GALNT14: variants seen among roughly 807,000 people sequenced by gnomAD.
GALNT14 encodes the protein UDP-GalNAc:polypeptide N-acetylgalactosaminyltransferase 14.
GALNT14 carries 60 observed loss-of-function variants against 77.5 expected under a neutral mutation model. The observed-to-expected ratio is 0.77, with a 90% CI of 0.63 to 0.96. The LOEUF is 0.96. Among genes scored for constraint, GALNT14 ranks in the 40% least tolerant of loss-of-function variants. GALNT14 has a pLI of 0.00. For missense variants in GALNT14, 710 were observed against 731.0 expected, an observed-to-expected ratio of 0.97 and a Z score of 0.33; for synonymous variants, 280 against 281.7, an observed-to-expected ratio of 0.99 and a Z score of 0.06.
chr2:30,902,049 G>A, the GALNT14 span, among the ~76,000 whole-genome samples: 1 of 152,072 alleles, frequency 6.6e-6, no homozygotes, highest in Admixed American at 6.6e-5. Context: ...CTCAATATTC[G>A]GATTTGACTG....
chr2:31,091,755 C>T (rs919905821), intron 1 of GALNT14, among the ~76,000 whole-genome samples: 2 of 152,092 alleles, frequency 1.3e-5, no homozygotes, highest in Non-Finnish European at 2.9e-5. Flanking sequence ...ATAAGGGAGC[C>T]CTCTGGGGTC....
chr2:30,962,322 C>A (rs906093348), intron 3 of GALNT14, among the ~76,000 whole-genome samples: 3 of 152,208 alleles, frequency 2.0e-5, no homozygotes, highest in Non-Finnish European at 4.4e-5. Context: ...AAGGGCAGAG[C>A]CATGAAAATC....
chr2:30,924,431 A>G (rs1364022142), intron 12 of GALNT14, 168 bp from the exon 13 acceptor site: 3 of 702,190 alleles, frequency 4.3e-6, no homozygotes, highest in Non-Finnish European at 7.1e-6. Flanking sequence ...GGTGGCAAGG[A>G]AAGACCCAGG....
At chr2:31,110,898 T>C (rs767225211) in intron 1 of GALNT14, among the ~76,000 whole-genome samples, 6 of 152,184 alleles carry the variant, frequency 3.9e-5, no homozygotes, top group Admixed American at 6.5e-5. Flanking sequence ...CTGACTCAGA[T>C]GGGTTGAGAA....
intron 1 of GALNT14, among the ~76,000 whole-genome samples, chr2:31,020,091 G>A (rs115171676): frequency 3.0e-4 from 46 of 152,190 alleles, no homozygotes; most frequent in African/African-American, 1.1e-3. Flanking sequence ...CAGCCATGTG[G>A]CCCCTTCTGC....
chr2:31,127,200 C>T (rs1678745722), intron 1 of GALNT14, among the ~76,000 whole-genome samples: 1 of 152,160 alleles, frequency 6.6e-6, no homozygotes. Flanking sequence ...GTCAGTTACC[C>T]CAACCCAGGT....
chr2:30,899,134 T>A, the GALNT14 span, among the ~76,000 whole-genome samples: 13 of 152,174 alleles, frequency 8.5e-5, no homozygotes, highest in African/African-American at 3.1e-4. Context: ...CTATTTAGCA[T>A]CTGGCTGTCA....
intron 11 of GALNT14, 101 bp downstream of exon 11, chr2:30,929,294 G>C: frequency 1.2e-6 from 1 of 803,094 alleles, no homozygotes. Context: ...CGGGAGCTGA[G>C]GGTAGCTAAG....
chr2:30,983,813 GCA>G (rs150080402), intron 2 of GALNT14, among the ~76,000 whole-genome samples: 1 of 54,826 alleles, frequency 1.8e-5, no homozygotes, highest in Non-Finnish European at 5.6e-5. Context: ...ACACACGTAT[GCA>G]CACACACACA....
chr2:30,932,806 G>A (rs887104663), intron 9 of GALNT14, among the ~76,000 whole-genome samples: 1 of 152,198 alleles, frequency 6.6e-6, no homozygotes, highest in African/African-American at 2.4e-5. Context: ...CTACCACTGG[G>A]GAAGAGCCAC....
chr2:31,128,259 T>C (rs1394177821), intron 1 of GALNT14, among the ~76,000 whole-genome samples: 1 of 150,422 alleles, frequency 6.6e-6, no homozygotes, highest in Non-Finnish European at 1.5e-5. Context: ...ACTGAGGAGT[T>C]GTCCATCAGT....
chr2:30,927,505 T>C (rs1231042637), intron 11 of GALNT14, among the ~76,000 whole-genome samples: 2 of 152,242 alleles, frequency 1.3e-5, no homozygotes, highest in African/African-American at 4.8e-5. Flanking sequence ...GGGAACTCGA[T>C]AAATGTTGAT....
intron 11 of GALNT14, 65 bp downstream of exon 11, chr2:30,929,330 G>T: frequency 3.1e-6 from 4 of 1,276,498 alleles, no homozygotes; most frequent in South Asian, 1.2e-5. Flanking sequence ...GCACCCATTT[G>T]CATCGGTCCT....
chr2:30,888,607 C>T, the GALNT14 span, among the ~76,000 whole-genome samples: 1 of 152,046 alleles, frequency 6.6e-6, no homozygotes, highest in African/African-American at 2.4e-5. Context: ...CATGGATGAG[C>T]TCATTGTTTT....
chr2:31,127,280 C>T (rs1231882275), intron 1 of GALNT14, among the ~76,000 whole-genome samples: 1 of 152,196 alleles, frequency 6.6e-6, no homozygotes, highest in African/African-American at 2.4e-5. Context: ...AATGCAATCA[C>T]ACAGCCTGCG....
Position 30,955,387 on chromosome 2 carries a change from GGTGACA to G in GALNT14, c.654+225_654+230del, listed in dbSNP as rs529425975. On this transcript the variant is annotated intron_variant, in intron 6 of 14. Transcript: ENST00000349752. Reference sequence around the variant, plus strand: ...CTGTCCCAAGTGCAGGCCTGCTATGGGTGACAGTCCCAGTCACAACACATCCCGGTC... The same window carrying G: ...CTGTCCCAAGTGCAGGCCTGCTATGGGTCCCAGTCACAACACATCCCGGTC... Among the ~76,000 whole-genome samples, 26 of 152,284 alleles carry G rather than the reference GGTGACA, an allele frequency of 1.7e-4. No homozygotes were observed. The East Asian group carries it at 4.8e-3, about 28-fold the overall frequency.
At chr2:30,888,049 TTTGTCAGCCTCTATGA>T in the GALNT14 span, among the ~76,000 whole-genome samples, 20 of 152,314 alleles carry the variant, frequency 1.3e-4, no homozygotes, top group African/African-American at 4.8e-4. Flanking sequence ...CCTTTTACCC[TTTGTCAGCCTCTATGA>T]CATGAATTGC....
chr2:31,052,569 C>T (rs1487056382), intron 1 of GALNT14, among the ~76,000 whole-genome samples: 1 of 152,188 alleles, frequency 6.6e-6, no homozygotes, highest in East Asian at 1.9e-4. Flanking sequence ...CCCCTTCCCA[C>T]TGCAGCAGCC....
At chr2:30,987,285 G>C (rs1217710002) in intron 2 of GALNT14, among the ~76,000 whole-genome samples, 2 of 152,156 alleles carry the variant, frequency 1.3e-5, no homozygotes, top group African/African-American at 4.8e-5. Flanking sequence ...GCATGGGAAG[G>C]TTGCTAAGCC....
Sources: allele counts gnomAD v4.1 joint callset (sites outside exome capture counted in the v4.1 genomes callset), GRCh38; gene constraint gnomAD v4.1.1; transcripts MANE v1.5; gene names NCBI Gene and HGNC (gene_info 2026-07-23, HGNC 2026-07-21).